Variants in NMT2 observed in about 807,000 individuals in gnomAD.
The protein encoded by NMT2 is N-myristoyltransferase 2.
NMT2 carries 35 observed loss-of-function variants against 65.4 expected under a neutral mutation model. That is an observed-to-expected ratio of 0.54 (90% CI 0.41 to 0.71). The LOEUF (loss-of-function observed/expected upper bound fraction) is 0.71. Ranked by LOEUF, NMT2 falls within the 30% of genes least tolerant of loss-of-function variation. The pLI, the probability that NMT2 is intolerant of heterozygous loss-of-function variation, is 0.00. For missense variants in NMT2, 489 were observed against 611.3 expected (o/e 0.80, Z 2.11); for synonymous variants, 226 against 231.8 (o/e 0.98, Z 0.23).
At chr10:15,166,121 A>T (rs1028396023) in intron 1 of NMT2, among the ~76,000 whole-genome samples, 2 of 152,192 alleles carry the variant, frequency 1.3e-5, no homozygotes, top group African/African-American at 4.8e-5. Context: ...TTGGTGCAAA[A>T]CAAGACTCTA....
At chr10:15,145,265 G>T (rs1846922931) in intron 1 of NMT2, among the ~76,000 whole-genome samples, 1 of 152,204 alleles carries the variant, frequency 6.6e-6, no homozygotes, top group African/African-American at 2.4e-5. Context: ...GCTTGGGCAT[G>T]ATTAAGGGAT....
chr10:15,161,357 C>A (rs551314378), intron 1 of NMT2, among the ~76,000 whole-genome samples: 1 of 151,890 alleles, frequency 6.6e-6, no homozygotes, highest in Non-Finnish European at 1.5e-5. Flanking sequence ...TTATTTTTTA[C>A]TTTTATTTTT....
intron 1 of NMT2, among the ~76,000 whole-genome samples, chr10:15,167,114 A>C (rs574407922): frequency 3.9e-5 from 6 of 152,168 alleles, no homozygotes; most frequent in Non-Finnish European, 8.8e-5. Context: ...TCTATCACAA[A>C]CACGTTTCTA....
Position 15,106,076 on chromosome 10 carries a change from C to T in NMT2, c.*3119G>A, listed in dbSNP as rs1194288122. On this transcript the variant is annotated 3_prime_UTR_variant, in exon 12 of 12. Transcript: ENST00000378165. The stretch of plus-strand genomic sequence containing the variant: ...GTGGTGTGATCCCGGCTCACTGCAA[C>T]CCCGCCTCCTGGGTTCAAGCGATTC... The T allele has an allele frequency of 2.3e-5, 8 of 350,166 alleles. No homozygotes were observed. The highest frequency in any genetic ancestry group is 1.6e-4 in the South Asian group (8 of 49,502). 21.7% of individuals were successfully genotyped at this position (350,166 alleles called of 1,614,324 possible).
In NMT2 at chr10:15,158,930, G is replaced by T. The variant is rs186424578; in HGVS notation, c.110+9573C>A. Among the ~76,000 whole-genome samples, 258 of 152,192 alleles carry T rather than the reference G, an allele frequency of 1.7e-3. 1 individual carries two copies. The Middle Eastern group carries it at 0.017, about 10-fold the overall frequency. On this transcript the variant is annotated intron_variant, in intron 1 of 11. Transcript: ENST00000378165. Reference sequence around the variant, plus strand: ...CTTGTAAGCTATTTACCCCCCAAAGGTGCCACCTCCAGACACCATCACGTT... The same window carrying T: ...CTTGTAAGCTATTTACCCCCCAAAGTTGCCACCTCCAGACACCATCACGTT...
intron 8 of NMT2, among the ~76,000 whole-genome samples, chr10:15,124,061 A>G (rs1846006745): frequency 1.3e-5 from 2 of 152,332 alleles, no homozygotes; most frequent in Non-Finnish European, 1.5e-5. Flanking sequence ...AACACCTTAT[A>G]TGCCTCGACA....
In NMT2 at chr10:15,143,295, C is replaced by G. The variant is rs79219314; in HGVS notation, c.111-1738G>C. 3.2e-3 allele frequency among the ~76,000 whole-genome samples: 482 copies of G among 152,312 alleles called. 1 individual carries two copies. The highest frequency in any genetic ancestry group is 0.011 in the African/African-American group (441 of 41,568). ...TGGGAGGGACCAAAATCATGGTGGA[C>G]ATGCCTGTGACTTCACAACCTAGGG... is the stretch of plus-strand genomic sequence containing the variant. On this transcript the variant is annotated intron_variant, in intron 1 of 11. Coordinates refer to ENST00000378165, the MANE Select transcript of NMT2 (RefSeq NM_004808.3).
intron 2 of NMT2, among the ~76,000 whole-genome samples, chr10:15,139,293 T>C (rs12251900): frequency 5.2e-3 from 715 of 136,254 alleles, no homozygotes; most frequent in African/African-American, 0.011. Context: ...TCTATCTATC[T>C]ATCCATCCAT....
At chr10:15,164,367 A>C (rs1291258827) in intron 1 of NMT2, among the ~76,000 whole-genome samples, 1 of 152,150 alleles carries the variant, frequency 6.6e-6, no homozygotes, top group Admixed American at 6.6e-5. Context: ...GAAAGCTATG[A>C]GAAACATCTA....
chr10:15,108,327 C>G lies in NMT2; in HGVS notation c.*868G>C, dbSNP rs948352012. 4.0e-6 allele frequency: 2 copies of G among 499,522 alleles called. No homozygotes were observed. The highest frequency in any genetic ancestry group is 5.2e-6 in the Non-Finnish European group (2 of 386,330). 30.9% of individuals were successfully genotyped at this position (499,522 alleles called of 1,614,324 possible). A position where few individuals can be genotyped will look rare whatever the true frequency, so the allele number is the denominator to read the frequency against. On this transcript the variant is annotated 3_prime_UTR_variant, in exon 12 of 12. Transcript: ENST00000378165. ...TCAGCCTCCCAAGCAGCTGGGACTA[C>G]AGGCACACGCCACCACGCCCGGCTA...
chr10:15,146,779 C>T (rs1846979534), intron 1 of NMT2, among the ~76,000 whole-genome samples: 1 of 152,094 alleles, frequency 6.6e-6, no homozygotes, highest in Admixed American at 6.5e-5. Flanking sequence ...CAGTCTCATA[C>T]AACTAACACA....
Position 15,106,166 on chromosome 10 carries a change from G to A in NMT2, c.*3029C>T, listed in dbSNP as rs45604531. 0.028 allele frequency: 6,723 copies of A among 241,482 alleles called. 157 individuals are homozygous for A. Among genetic ancestry groups the A allele is most frequent in the Non-Finnish European group, 0.042 (4,970 of 116,986 alleles). The allele number at this position is 241,482 out of a possible 1,614,324, so 15.0% of individuals were successfully genotyped here. On this transcript the variant is annotated 3_prime_UTR_variant, in exon 12 of 12. Transcript: ENST00000378165. Reference sequence around the variant, plus strand: ...ACACCCCCATGTCCGGCTAGTTTTTGTAATTTTAGTAGAGATAGGGCTTCA... The same window carrying A: ...ACACCCCCATGTCCGGCTAGTTTTTATAATTTTAGTAGAGATAGGGCTTCA...
chr10:15,150,480 C>T (rs1363629656), intron 1 of NMT2, among the ~76,000 whole-genome samples: 1 of 152,152 alleles, frequency 6.6e-6, no homozygotes, highest in Non-Finnish European at 1.5e-5. Flanking sequence ...GCACTACGGC[C>T]TCATCTAAAG....
chr10:15,163,150 C>T (rs751789359), intron 1 of NMT2, among the ~76,000 whole-genome samples: 1 of 152,070 alleles, frequency 6.6e-6, no homozygotes, highest in African/African-American at 2.4e-5. Context: ...TGGCCTCAAG[C>T]GATCCTCCAC....
Position 15,121,123 on chromosome 10 carries a change from A to G in NMT2, c.1000-1610T>C, listed in dbSNP as rs1244518557. 2.6e-5 allele frequency among the ~76,000 whole-genome samples: 4 copies of G among 152,338 alleles called. No homozygotes were observed. The East Asian group carries it at 5.8e-4, about 22-fold the overall frequency. ...AACAGACAATTTTAAACTGAGAAATACAGTTTATTTTTTTCTGTAAACCTG... is the reference window on the plus strand; with the variant it reads ...AACAGACAATTTTAAACTGAGAAATGCAGTTTATTTTTTTCTGTAAACCTG... On this transcript the variant is annotated intron_variant, in intron 8 of 11. Transcript: ENST00000378165.
chr10:15,160,571 T>C (rs1465155100), intron 1 of NMT2, among the ~76,000 whole-genome samples: 1 of 151,714 alleles, frequency 6.6e-6, no homozygotes, highest in Non-Finnish European at 1.5e-5. Context: ...GGTCAGGAGT[T>C]CGAGACCAGC....
At chr10:15,132,738 A>T in intron 6 of NMT2, 79 bp downstream of exon 6, 1 of 1,084,836 alleles carries the variant, frequency 9.2e-7, no homozygotes, top group Non-Finnish European at 1.4e-6. Context: ...TGCATTCAGT[A>T]ACTTTTAAAG....
rs1845353617 is a variant in NMT2 at position 15,107,714 on chromosome 10, C to G, written c.*1481G>C. 1 of 960,830 alleles carries G rather than the reference C, an allele frequency of 1.0e-6. No homozygotes were observed. Among genetic ancestry groups the G allele is most frequent in the African/African-American group, 1.8e-5 (1 of 56,740 alleles). 59.5% of individuals were successfully genotyped at this position (960,830 alleles called of 1,614,324 possible). A position where few individuals can be genotyped will look rare whatever the true frequency, so the allele number is the denominator to read the frequency against. On this transcript the variant is annotated 3_prime_UTR_variant, in exon 12 of 12. Coordinates refer to ENST00000378165, the MANE Select transcript of NMT2 (RefSeq NM_004808.3). Reference sequence around the variant, plus strand: ...AAATGTTTCGCCCGCCTTGGCCTCCCAAAGTGCTGGGATTACAGGCGTGAG... The same window carrying G: ...AAATGTTTCGCCCGCCTTGGCCTCCGAAAGTGCTGGGATTACAGGCGTGAG...
chr10:15,124,645 T>C (rs1011544669), intron 8 of NMT2, among the ~76,000 whole-genome samples: 3 of 152,180 alleles, frequency 2.0e-5, no homozygotes, highest in Non-Finnish European at 4.4e-5. Flanking sequence ...CGCTGAATGG[T>C]ACAAAAATGT....
Sources: allele counts gnomAD v4.1 joint callset (sites outside exome capture counted in the v4.1 genomes callset), GRCh38; gene constraint gnomAD v4.1.1; transcripts MANE v1.5; gene names NCBI Gene and HGNC (gene_info 2026-07-23, HGNC 2026-07-21).